ASTN2: variants seen among roughly 807,000 people sequenced by gnomAD.
ASTN2 encodes astrotactin 2, also known as astrotactin-2.
ASTN2 carries 54 observed loss-of-function variants against 139.8 expected under a neutral mutation model. The observed-to-expected ratio is 0.39, with a 90% CI of 0.31 to 0.48. The LOEUF is 0.48. Among genes scored for constraint, ASTN2 ranks in the 20% least tolerant of loss-of-function variants. ASTN2 has a pLI of 0.95. For missense variants in ASTN2, 1,565 were observed against 1,725.1 expected (o/e 0.91, Z 1.64); for synonymous variants, 756 against 719.5 (o/e 1.05, Z -0.81).
chr9:116,910,388 CT>C (rs1162744256), intron 10 of ASTN2, among the ~76,000 whole-genome samples: 1 of 152,164 alleles, frequency 6.6e-6, no homozygotes, highest in Non-Finnish European at 1.5e-5. Context: ...AGCAGCACCC[CT>C]GTCATCTACC....
At chr9:117,236,809 T>C (rs1427678184) in intron 2 of ASTN2, among the ~76,000 whole-genome samples, 5 of 152,194 alleles carry the variant, frequency 3.3e-5, no homozygotes, top group African/African-American at 2.4e-5. Flanking sequence ...ATGTAATTCA[T>C]AGGGATGTTG....
intron 11 of ASTN2, among the ~76,000 whole-genome samples, chr9:116,822,478 G>A (rs970766703): frequency 2.6e-5 from 4 of 152,164 alleles, no homozygotes; most frequent in African/African-American, 9.7e-5. Flanking sequence ...AGACAAGAGG[G>A]CACCTGGTCA....
chr9:116,686,828 GCTCT>G, intron 16 of ASTN2: 1 of 1,550,314 alleles, frequency 6.5e-7, no homozygotes. Flanking sequence ...CTCTAGTGCA[GCTCT>G]CTGTCAGAGC....
At position 117,049,426 on chromosome 9, in the gene ASTN2, C is replaced by T. The variant is rs150811710; in HGVS notation, c.1277-9461G>A. 7.0e-3 allele frequency among the ~76,000 whole-genome samples: 1,058 copies of T among 152,222 alleles called. 8 individuals are homozygous for T. Among genetic ancestry groups the T allele is most frequent in the South Asian group, 0.031 (148 of 4,816 alleles). On this transcript the variant is annotated intron_variant, in intron 5 of 22. Coordinates refer to ENST00000313400, the MANE Select transcript of ASTN2 (RefSeq NM_001365068.1). ...GTTTCCCTAAAGTATTAAGACATTG[C>T]AGAACCACCATTCTGTGGAACAAGG...
In ASTN2 at chr9:116,586,812, T is replaced by TCACACACACACACACACACACA. The variant is rs141414264; in HGVS notation, c.3355+31511_3355+31512insTGTGTGTGTGTGTGTGTGTGTG. ...AAAAATCTAAAATACCAGTTGAAATTCACACACACACACATACATACACAC... is the reference window on the plus strand; with the variant it reads ...AAAAATCTAAAATACCAGTTGAAATTCACACACACACACACACACACACACACACACACACATACATACACAC... On this transcript the variant is annotated intron_variant, in intron 19 of 22. Transcript: ENST00000313400. 1.5e-3 allele frequency among the ~76,000 whole-genome samples: 116 copies of TCACACACACACACACACACACA among 79,938 alleles called. 1 individual carries two copies. The highest frequency in any genetic ancestry group is 6.1e-3 in the Middle Eastern group (1 of 164). 52.4% of individuals were successfully genotyped at this position (79,938 alleles called of 152,430 possible). A position where few individuals can be genotyped will look rare whatever the true frequency, so the allele number is the denominator to read the frequency against.
At chr9:117,391,776 T>G (rs1310635393) in intron 1 of ASTN2, among the ~76,000 whole-genome samples, 1 of 152,170 alleles carries the variant, frequency 6.6e-6, no homozygotes, top group Non-Finnish European at 1.5e-5. Context: ...ACAAGGCAAG[T>G]CCCTTCCACC....
chr9:116,552,330 A>C (rs1852389605), intron 19 of ASTN2: 1 of 152,198 alleles, frequency 6.6e-6, no homozygotes, highest in African/African-American at 2.4e-5. Context: ...AATTGGTGTC[A>C]GAGTTAAGGG....
chr9:116,817,110 C>T (rs1197477112), intron 12 of ASTN2, among the ~76,000 whole-genome samples: 3 of 151,668 alleles, frequency 2.0e-5, no homozygotes, highest in Admixed American at 6.6e-5. Flanking sequence ...CTAGCTAACA[C>T]GCTGAAACCC....
At chr9:117,134,814 T>C (rs1829912321) in intron 4 of ASTN2, among the ~76,000 whole-genome samples, 1 of 152,100 alleles carries the variant, frequency 6.6e-6, no homozygotes, top group Non-Finnish European at 1.5e-5. Flanking sequence ...GAAGTACTGG[T>C]AGGCCGAGAT....
chr9:117,038,514 T>C (rs1378778742), intron 6 of ASTN2, among the ~76,000 whole-genome samples: 2 of 152,200 alleles, frequency 1.3e-5, no homozygotes, highest in Non-Finnish European at 2.9e-5. Flanking sequence ...AAGACACTTT[T>C]AGAGGTGATG....
chr9:116,719,313 G>C (rs1828409848), intron 16 of ASTN2, among the ~76,000 whole-genome samples: 1 of 152,104 alleles, frequency 6.6e-6, no homozygotes, highest in Non-Finnish European at 1.5e-5. Flanking sequence ...AAGGTACAAA[G>C]GGAGAGGGAA....
intron 10 of ASTN2, among the ~76,000 whole-genome samples, chr9:116,894,387 A>T (rs1339255123): frequency 6.6e-6 from 1 of 152,246 alleles, no homozygotes. Flanking sequence ...CAGTTATCAC[A>T]TAAAGATAGG....
At chr9:117,365,335 A>C (rs903846282) in intron 1 of ASTN2, among the ~76,000 whole-genome samples, 1 of 151,040 alleles carries the variant, frequency 6.6e-6, no homozygotes, top group African/African-American at 2.5e-5. Flanking sequence ...GAAAGAAAGA[A>C]AGAGAGAAAA....
Position 116,805,751 on chromosome 9 carries a change from G to C in ASTN2, c.2277C>G (p.Gly759=). 1 of 1,613,936 alleles carries C rather than the reference G, an allele frequency of 6.2e-7. No individual in the cohort carries two copies. The highest frequency in any genetic ancestry group is 8.5e-7 in the Non-Finnish European group (1 of 1,179,846). Residue 759 remains glycine (G), a synonymous_variant, in exon 13 of 23, where the codon GGC becomes GGG. Transcript: ENST00000313400. ...TGGAGTCAGGTTTGAGGCACTTGGG[G>C]CCCTCGCAGACATCTGAGAGCATTA... ...SCLMLSDVCE[G]PKCLKPDSKF...
At chr9:116,456,942 C>T (rs945956500) in intron 20 of ASTN2, among the ~76,000 whole-genome samples, 1 of 152,162 alleles carries the variant, frequency 6.6e-6, no homozygotes, top group African/African-American at 2.4e-5. Context: ...CATTACCTAA[C>T]TTCAAATTAT....
intron 3 of ASTN2, among the ~76,000 whole-genome samples, chr9:117,168,513 G>A (rs939700286): frequency 2.2e-4 from 33 of 152,070 alleles, no homozygotes; most frequent in Admixed American, 1.8e-3. Context: ...GGAGGTGAGA[G>A]TTCTGTACCC....
chr9:116,535,598 T>C (rs1458798083), intron 19 of ASTN2, among the ~76,000 whole-genome samples: 1 of 152,200 alleles, frequency 6.6e-6, no homozygotes, highest in Non-Finnish European at 1.5e-5. Flanking sequence ...AGGATTTTTA[T>C]CTCTCCTTCA....
chr9:117,367,583 T>C (rs931645116), intron 1 of ASTN2, among the ~76,000 whole-genome samples: 1 of 152,156 alleles, frequency 6.6e-6, no homozygotes, highest in African/African-American at 2.4e-5. Context: ...TCCTTCTTCA[T>C]TGTCTGCCTT....
At chr9:117,165,870 T>G (rs1354276646) in intron 3 of ASTN2, among the ~76,000 whole-genome samples, 2 of 152,040 alleles carry the variant, frequency 1.3e-5, no homozygotes, top group Non-Finnish European at 2.9e-5. Context: ...TATTATTAAA[T>G]AGAATGCCTT....
Sources: allele counts gnomAD v4.1 joint callset (sites outside exome capture counted in the v4.1 genomes callset), GRCh38; gene constraint gnomAD v4.1.1; transcripts MANE v1.5; gene names NCBI Gene and HGNC (gene_info 2026-07-23, HGNC 2026-07-21).